Variants in FNDC3A observed in about 807,000 individuals in gnomAD.
FNDC3A encodes the protein fibronectin type-III domain-containing protein 3A.
In FNDC3A, 32 loss-of-function variants were observed where a neutral mutation model predicts 148.9. The observed-to-expected ratio is 0.21, with a 90% confidence interval of 0.16 to 0.29. The LOEUF (loss-of-function observed/expected upper bound fraction) is 0.29. Among genes scored for constraint, FNDC3A ranks in the 10% least tolerant of loss-of-function variants. The pLI is 1.00. For synonymous variants in FNDC3A, 472 were observed against 473.6 expected, an observed-to-expected ratio of 1.00 and a Z score of 0.04; for missense variants, 1,191 against 1,452.8, an observed-to-expected ratio of 0.82 and a Z score of 2.93.
At chr13:49,016,243 T>G (rs550964623) in intron 2 of FNDC3A, among the ~76,000 whole-genome samples, 7 of 152,186 alleles carry the variant, frequency 4.6e-5, no homozygotes, top group Admixed American at 3.3e-4. Flanking sequence ...TGGACTCTTT[T>G]TGGTTGGTAA....
At chr13:49,176,199 C>T (rs1475616689) in intron 13 of FNDC3A, among the ~76,000 whole-genome samples, 4 of 152,122 alleles carry the variant, frequency 2.6e-5, no homozygotes, top group African/African-American at 9.7e-5. Flanking sequence ...ATGATGCTGG[C>T]CTCATAAAAT....
chr13:49,035,651 A>G (rs1371829677), intron 2 of FNDC3A, among the ~76,000 whole-genome samples: 3 of 152,058 alleles, frequency 2.0e-5, no homozygotes, highest in Non-Finnish European at 4.4e-5. Flanking sequence ...ATATTATACC[A>G]TGTATTCTGT....
intron 2 of FNDC3A, chr13:49,044,602 A>C (rs1432815415): frequency 5.4e-6 from 1 of 185,992 alleles, no homozygotes; most frequent in Non-Finnish European, 1.1e-5. Flanking sequence ...CCTGGCAGGC[A>C]GAGGTTGCAG....
At chr13:48,984,415 C>T (rs377765527) in intron 1 of FNDC3A, among the ~76,000 whole-genome samples, 22 of 151,582 alleles carry the variant, frequency 1.5e-4, no homozygotes, top group African/African-American at 3.6e-4. Flanking sequence ...CATCAAAGGT[C>T]GAAACATTAT....
Position 49,201,978 on chromosome 13 carries a change from A to G in FNDC3A, c.3154+12A>G. 6.8e-7 allele frequency: 1 copy of G among 1,470,194 alleles called. No individual in the cohort carries two copies. Among genetic ancestry groups the G allele is most frequent in the Non-Finnish European group, 9.1e-7 (1 of 1,101,868 alleles). The allele number at this position is 1,470,194 out of a possible 1,614,324, so 91.1% of individuals were successfully genotyped here. On this transcript the variant is annotated intron_variant, in intron 24 of 25. Coordinates refer to ENST00000492622, the MANE Select transcript of FNDC3A (RefSeq NM_001079673.2). ...AGCTGCCTTGAAAGGTAAGTTATAC[A>G]TCCTGAACTTATTTTCTTTATAATA...
At chr13:49,061,376 TCCCTTCCCTTCCCTTCCCTC>T (rs1876694018) in intron 2 of FNDC3A, among the ~76,000 whole-genome samples, 2 of 12,204 alleles carry the variant, frequency 1.6e-4, no homozygotes, top group African/African-American at 6.4e-4. Context: ...TCCCTTCCCT[TCCCTTCCCTTCCCTTCCCTC>T]CCCTTCCCTC....
chr13:49,204,305 T>C (rs1034419354), intron 25 of FNDC3A, among the ~76,000 whole-genome samples: 1 of 152,236 alleles, frequency 6.6e-6, no homozygotes, highest in Non-Finnish European at 1.5e-5. Flanking sequence ...TAAATACCTA[T>C]ACATTTCACC....
intron 2 of FNDC3A, among the ~76,000 whole-genome samples, chr13:49,010,653 A>G (rs959769539): frequency 6.6e-6 from 1 of 152,350 alleles, no homozygotes; most frequent in East Asian, 1.9e-4. Flanking sequence ...AATATAGCAT[A>G]TGATTATAAG....
In FNDC3A at chr13:49,131,256, T is replaced by C; in HGVS notation, c.372T>C (p.Pro124=). The C allele has an allele frequency of 1.9e-6, 3 of 1,614,108 alleles. No homozygotes were observed. Among genetic ancestry groups the C allele is most frequent in the African/African-American group, 1.3e-5 (1 of 75,030 alleles). ...ATCCTCCTCTACCTGGTTTCATTCC[T>C]GTCCCAACTATGATGCCGCCTCCAC... ...SPHPPLPGFI[P]VPTMMPPPPR... The change falls in exon 5 of 26, where the codon CCT becomes CCC. Residue 124 remains proline (P), a synonymous_variant. Transcript: ENST00000492622.
chr13:49,156,513 C>T (rs1883698177), intron 8 of FNDC3A, among the ~76,000 whole-genome samples: 2 of 149,916 alleles, frequency 1.3e-5, no homozygotes, highest in Admixed American at 6.6e-5. Context: ...GCATTAAGTC[C>T]ATTTACATTT....
chr13:49,016,924 C>G (rs1393543634), intron 2 of FNDC3A, among the ~76,000 whole-genome samples: 2 of 150,992 alleles, frequency 1.3e-5, no homozygotes, highest in Non-Finnish European at 3.0e-5. Context: ...GAGTGAGATT[C>G]TTAATCCTGA....
chr13:49,091,407 A>C (rs767216372), intron 3 of FNDC3A, among the ~76,000 whole-genome samples: 1 of 152,146 alleles, frequency 6.6e-6, no homozygotes, highest in Non-Finnish European at 1.5e-5. Context: ...AACTCTCTTA[A>C]AGATGCTCAG....
chr13:49,063,662 T>C (rs1461454562), intron 2 of FNDC3A, among the ~76,000 whole-genome samples: 1 of 152,172 alleles, frequency 6.6e-6, no homozygotes, highest in Non-Finnish European at 1.5e-5. Context: ...GTGAGTCAGT[T>C]AGTCAGGAAC....
intron 8 of FNDC3A, among the ~76,000 whole-genome samples, chr13:49,149,334 G>A (rs1883163486): frequency 6.6e-6 from 1 of 151,632 alleles, no homozygotes; most frequent in African/African-American, 2.4e-5. Context: ...GTTAGCTATG[G>A]GTCTGTCATA....
At chr13:49,150,989 G>A (rs1004541933) in intron 8 of FNDC3A, among the ~76,000 whole-genome samples, 1 of 151,134 alleles carries the variant, frequency 6.6e-6, no homozygotes, top group Non-Finnish European at 1.5e-5. Context: ...ATTGTGTACT[G>A]ACATATGGTC....
At chr13:48,987,088 C>CAAAGTT (rs1175311939) in intron 1 of FNDC3A, among the ~76,000 whole-genome samples, 1 of 152,044 alleles carries the variant, frequency 6.6e-6, no homozygotes, top group East Asian at 1.9e-4. Flanking sequence ...TCTACAAGAG[C>CAAAGTT]AAAGTTAACA....
chr13:49,104,031 A>G (rs182127280), intron 3 of FNDC3A, among the ~76,000 whole-genome samples: 2 of 152,360 alleles, frequency 1.3e-5, no homozygotes, highest in African/African-American at 4.8e-5. Context: ...ACAAGAAGCC[A>G]TTAAAGAAAT....
At chr13:48,991,953 A>C (rs763579733) in intron 1 of FNDC3A, among the ~76,000 whole-genome samples, 1 of 152,232 alleles carries the variant, frequency 6.6e-6, no homozygotes, top group Non-Finnish European at 1.5e-5. Context: ...CTATTTTATA[A>C]TAAAGTGTTG....
At chr13:49,119,514 C>G (rs780970086) in intron 4 of FNDC3A, among the ~76,000 whole-genome samples, 10 of 151,986 alleles carry the variant, frequency 6.6e-5, no homozygotes, top group Non-Finnish European at 1.5e-4. Context: ...AAGTAGGCTT[C>G]AGAAGGTGGG....
Sources: gnomAD v4.1 joint callset for allele counts (sites outside exome capture counted in the v4.1 genomes callset) on GRCh38, gnomAD v4.1.1 for gene constraint, MANE v1.5 for transcripts, NCBI Gene and HGNC (gene_info 2026-07-23, HGNC 2026-07-21) for gene names.